The following LARS1 variants were observed in gnomAD, a reference collection of about 807,000 sequenced individuals.
LARS1 encodes leucyl-tRNA synthetase 1.
In LARS1, 100 loss-of-function variants were observed where a neutral mutation model predicts 162.8. The ratio of observed to expected loss-of-function variants is 0.61; its 90% CI spans 0.52 to 0.73. The LOEUF (loss-of-function observed/expected upper bound fraction) is 0.73, where lower values mean the gene tolerates loss of function less well. Among genes scored for constraint, LARS1 ranks in the 30% least tolerant of loss-of-function variants. LARS1 has a pLI of 0.00. For missense variants in LARS1, 1,258 were observed against 1,408.9 expected (o/e 0.89, Z 1.71); for synonymous variants, 457 against 462.8 (o/e 0.99, Z 0.16).
intron 20 of LARS1, among the ~76,000 whole-genome samples, chr5:146,142,188 T>C (rs1752810832): frequency 6.6e-6 from 1 of 151,846 alleles, no homozygotes; most frequent in Admixed American, 6.6e-5. Flanking sequence ...TTCGGGAGGC[T>C]GAGACAGGAG....
chr5:146,171,985 A>G lies in LARS1; in HGVS notation c.219T>C (p.Ala73=), dbSNP rs758912469. ...HTFSLSKCEF[A]VGYQRLKGKC... ...TTCCTTTCAATCGCTGGTACCCTAC[A>G]GCAAACTACAGAAATAAAATTAAAT... is the stretch of plus-strand genomic sequence containing the variant. Residue 73 remains alanine, a synonymous_variant, in exon 4 of 32, where the codon GCT becomes GCC. Coordinates refer to ENST00000394434, the MANE Select transcript of LARS1 (RefSeq NM_020117.11). 1.4e-5 allele frequency: 23 copies of G among 1,612,078 alleles called. No homozygotes were observed. The highest frequency in any genetic ancestry group is 1.7e-5 in the Non-Finnish European group (20 of 1,178,442).
chr5:146,171,226 G>A (rs548691400), intron 4 of LARS1, among the ~76,000 whole-genome samples: 5 of 151,902 alleles, frequency 3.3e-5, no homozygotes, highest in South Asian at 2.1e-4. Context: ...GTGTGGTGGC[G>A]GGTGCCTGTA....
chr5:146,164,999 T>C (rs1753938696), intron 5 of LARS1, among the ~76,000 whole-genome samples: 1 of 152,142 alleles, frequency 6.6e-6, no homozygotes, highest in South Asian at 2.1e-4. Flanking sequence ...GGTAGAAACA[T>C]GACTCCAGGC....
intron 1 of LARS1, among the ~76,000 whole-genome samples, chr5:146,180,695 A>AAACATC (rs1288564758): frequency 2.0e-5 from 3 of 152,164 alleles, no homozygotes; most frequent in Non-Finnish European, 4.4e-5. Context: ...TCAAAACCTC[A>AAACATC]AAGATCAAGT....
intron 6 of LARS1, among the ~76,000 whole-genome samples, chr5:146,161,830 CA>C: frequency 6.6e-6 from 1 of 152,116 alleles, no homozygotes; most frequent in East Asian, 1.9e-4. Flanking sequence ...ATGTGATATT[CA>C]AAATCTTTGT....
rs761282848 is a variant in LARS1 at position 146,133,019 on chromosome 5, T to C, written c.2275A>G (p.Met759Val). The C allele has an allele frequency of 3.1e-6, 5 of 1,614,130 alleles. No individual in the cohort carries two copies. In the South Asian group the frequency reaches 4.4e-5, roughly 14 times the overall value. ...TVEDANFVEA[M>V]ADAGILRLYT... ...AGACGGAGAATACCTGCATCTGCCA[T>C]GGCTTCCACAAAGTTGGCATCTTCT... Residue 759 changes from methionine (M) to valine (V), a missense_variant, in exon 23 of 32, where the codon ATG (methionine) becomes GTG (valine). Transcript: ENST00000394434.
In LARS1 at chr5:146,117,375, C is replaced by T. The variant is rs144158386; in HGVS notation, c.3325+2996G>A. Among the ~76,000 whole-genome samples, 419 of 152,202 alleles carry T rather than the reference C, an allele frequency of 2.8e-3. 2 individuals carry two copies. The highest frequency in any genetic ancestry group is 0.01 in the Middle Eastern group (3 of 294). ...CTGTGATCCCAGCACTTTGGGAGGC[C>T]GAGACAGGCAGATCACTTGAGGCCA... On this transcript the variant is annotated intron_variant, in intron 31 of 31. Transcript: ENST00000394434.
At chr5:146,179,847 C>G (rs1386420786) in intron 1 of LARS1, among the ~76,000 whole-genome samples, 1 of 152,238 alleles carries the variant, frequency 6.6e-6, no homozygotes, top group African/African-American at 2.4e-5. Context: ...AAGCAATCCA[C>G]CAGCCTTGGC....
At chr5:146,141,845 G>C (rs972222169) in intron 20 of LARS1, among the ~76,000 whole-genome samples, 2 of 151,430 alleles carry the variant, frequency 1.3e-5, no homozygotes, top group Non-Finnish European at 2.9e-5. Flanking sequence ...GACAAGTAGT[G>C]TAAGAACCAC....
chr5:146,164,255 A>C, intron 6 of LARS1, 55 bp downstream of exon 6: 1 of 1,402,754 alleles, frequency 7.1e-7, no homozygotes, highest in Non-Finnish European at 9.8e-7. Flanking sequence ...AGCAAAGCAC[A>C]ATAAAAAAGC....
At chr5:146,179,731 C>A in intron 1 of LARS1, 2 of 417,964 alleles carry the variant, frequency 4.8e-6, no homozygotes, top group South Asian at 1.7e-5. Flanking sequence ...TCCTGAATAG[C>A]TGGGACTACA....
chr5:146,121,127 T>C (rs775069780), intron 30 of LARS1, among the ~76,000 whole-genome samples: 13 of 152,192 alleles, frequency 8.5e-5, no homozygotes, highest in Non-Finnish European at 1.6e-4. Context: ...CCTATCTCCA[T>C]GGCTCAAATG....
At chr5:146,174,529 T>C (rs1401081833) in intron 2 of LARS1, among the ~76,000 whole-genome samples, 1 of 113,734 alleles carries the variant, frequency 8.8e-6, no homozygotes, top group Non-Finnish European at 2.0e-5. Context: ...TCCATATATA[T>C]ATATATATCC....
rs759414719 is a variant in LARS1, at chr5:146,120,473, G to C, written c.3223C>G (p.Gln1075Glu). The C allele has an allele frequency of 6.2e-7, 1 of 1,612,964 alleles. No homozygotes were observed. The highest frequency in any genetic ancestry group is 1.1e-5 in the South Asian group (1 of 90,974). Residue 1075 changes from glutamine (Q) to glutamate (E), a missense_variant, in exon 31 of 32, where the codon CAG becomes GAG. Coordinates refer to ENST00000394434, the MANE Select transcript of LARS1 (RefSeq NM_020117.11). ...GTTGAGAAGTGGCCATTGGATGGCT[G>C]GGGATTCACCAGAGAAACGGACACA... ...PGVSVSLVNP[Q>E]PSNGHFSTKI...
intron 30 of LARS1, among the ~76,000 whole-genome samples, 182 bp downstream of exon 30, chr5:146,122,310 G>T (rs1318816516): frequency 6.6e-6 from 1 of 152,064 alleles, no homozygotes; most frequent in Admixed American, 6.6e-5. Flanking sequence ...ACTGACCAAG[G>T]AATTAGGACA....
At position 146,113,420 on chromosome 5, in the gene LARS1, G is replaced by C. The variant is rs960474519; in HGVS notation, c.*686C>G. On this transcript the variant is annotated 3_prime_UTR_variant, in exon 32 of 32. Coordinates refer to ENST00000394434, the MANE Select transcript of LARS1 (RefSeq NM_020117.11). ...ACAAATTTAGTAAATGCAGATTTCT[G>C]GGGGGGAAGGGGGGAATCTTCTTTT... 3.9e-5 allele frequency: 6 copies of C among 152,744 alleles called. No individual in the cohort carries two copies. The highest frequency in any genetic ancestry group is 6.6e-5 in the Admixed American group (1 of 15,260). The allele number at this position is 152,744 out of a possible 1,614,324, so 9.5% of individuals were successfully genotyped here.
Position 146,120,358 on chromosome 5 carries a change from G to GTCA in LARS1, c.3325+12_3325+13insTGA. ...AAGCTACTGACAAATGGGAGTTTTG[G>GTCA]GGAACAACTTACCTTTAATTCCTCG... On this transcript the variant is annotated intron_variant, in intron 31 of 31. Transcript: ENST00000394434. The GTCA allele has an allele frequency of 6.2e-7, 1 of 1,612,370 alleles. No homozygotes were observed. The highest frequency in any genetic ancestry group is 8.5e-7 in the Non-Finnish European group (1 of 1,178,828).
At position 146,168,793 on chromosome 5, in the gene LARS1, C is replaced by T. The variant is rs189569483; in HGVS notation, c.295-528G>A. 2.0e-5 allele frequency among the ~76,000 whole-genome samples: 3 copies of T among 151,984 alleles called. No individual in the cohort carries two copies. The East Asian group carries it at 5.8e-4, about 29-fold the overall frequency. ...CCTAATTTACTCAAAAACATTTATT[C>T]AACACCCAGAATATTCAATATAGTA... On this transcript the variant is annotated intron_variant, in intron 4 of 31. Coordinates refer to ENST00000394434, the MANE Select transcript of LARS1 (RefSeq NM_020117.11).
chr5:146,146,362 AAGAGAG>A (rs70998059), intron 15 of LARS1, among the ~76,000 whole-genome samples: 30,392 of 142,684 alleles, frequency 0.21, 4,325 homozygotes, highest in Admixed American at 0.32. Flanking sequence ...AAAGAAAGAG[AAGAGAG>A]AGAGAGAGAG....
Sources: allele counts gnomAD v4.1 joint callset (sites outside exome capture counted in the v4.1 genomes callset), GRCh38; gene constraint gnomAD v4.1.1; transcripts MANE v1.5; gene names NCBI Gene and HGNC (gene_info 2026-07-23, HGNC 2026-07-21).